REDIC1: variants seen among roughly 807,000 people sequenced by gnomAD.
The protein encoded by REDIC1 is regulator of DNA class I crossover intermediates 1.
the REDIC1 span, among the ~76,000 whole-genome samples, chr12:39,713,260 GTA>G: frequency 3.6e-4 from 24 of 67,386 alleles, 1 homozygote; most frequent in East Asian, 1.0e-3. Flanking sequence ...ACACATACGT[GTA>G]TATATGTGTA....
At chr12:39,770,331 T>C in the REDIC1 span, among the ~76,000 whole-genome samples, 1 of 152,174 alleles carries the variant, frequency 6.6e-6, no homozygotes, top group Admixed American at 6.5e-5. Context: ...GATCCTGCCA[T>C]GGCCTCAAAT....
the REDIC1 span, among the ~76,000 whole-genome samples, chr12:39,695,095 G>C: frequency 1.3e-5 from 2 of 152,172 alleles, no homozygotes; most frequent in African/African-American, 4.8e-5. Context: ...ATAACCATCA[G>C]TGATGCCCAG....
At chr12:39,836,042 G>A in the REDIC1 span, among the ~76,000 whole-genome samples, 1 of 152,094 alleles carries the variant, frequency 6.6e-6, no homozygotes, top group African/African-American at 2.4e-5. Flanking sequence ...AGCAGCAAGG[G>A]CCAGTTTCGT....
the REDIC1 span, among the ~76,000 whole-genome samples, chr12:39,685,678 C>G: frequency 7.2e-5 from 11 of 152,122 alleles, no homozygotes; most frequent in African/African-American, 2.7e-4. Context: ...TTGCAAAATA[C>G]AATCATGCAT....
chr12:39,842,404 A>G, the REDIC1 span, among the ~76,000 whole-genome samples: 3 of 152,048 alleles, frequency 2.0e-5, no homozygotes, highest in Non-Finnish European at 4.4e-5. Context: ...TATTTTTTCT[A>G]CTCAGCCTTT....
the REDIC1 span, among the ~76,000 whole-genome samples, chr12:39,687,729 G>C: frequency 1.3e-5 from 2 of 152,122 alleles, no homozygotes; most frequent in Admixed American, 1.3e-4. Flanking sequence ...GTTTCAATGT[G>C]CTACATAATT....
the REDIC1 span, among the ~76,000 whole-genome samples, chr12:39,844,950 A>C: frequency 2.0e-5 from 3 of 152,052 alleles, no homozygotes; most frequent in Admixed American, 6.6e-5. Context: ...GCAGTTTTTA[A>C]TATGGACTAA....
At chr12:39,653,492 G>GTCGTCTTCTTCTTCTTCT in the REDIC1 span, among the ~76,000 whole-genome samples, 1 of 54,352 alleles carries the variant, frequency 1.8e-5, no homozygotes, top group African/African-American at 5.6e-5. Flanking sequence ...CAATCTGGAT[G>GTCGTCTTCTTCTTCTTCT]TCTTCTTCTT....
the REDIC1 span, among the ~76,000 whole-genome samples, chr12:39,752,703 A>G: frequency 3.9e-5 from 6 of 152,162 alleles, no homozygotes; most frequent in Non-Finnish European, 7.3e-5. Context: ...ATAGGGCAAC[A>G]AGCATACCAG....
chr12:39,772,363 TAGAA>T, the REDIC1 span, among the ~76,000 whole-genome samples: 10 of 152,168 alleles, frequency 6.6e-5, no homozygotes, highest in Admixed American at 2.6e-4. Context: ...GCTTGGCACA[TAGAA>T]AGCAATTTAT....
the REDIC1 span, among the ~76,000 whole-genome samples, chr12:39,817,323 T>A: frequency 6.6e-6 from 1 of 152,158 alleles, no homozygotes; most frequent in Non-Finnish European, 1.5e-5. Flanking sequence ...TTAGACAAGG[T>A]TACACTGCTG....
chr12:39,879,274 A>G, the REDIC1 span, among the ~76,000 whole-genome samples: 1 of 152,224 alleles, frequency 6.6e-6, no homozygotes, highest in African/African-American at 2.4e-5. Flanking sequence ...TTGAGCCCTC[A>G]GACAGAGTCC....
chr12:39,656,068 A>G, the REDIC1 span, among the ~76,000 whole-genome samples: 3 of 151,830 alleles, frequency 2.0e-5, no homozygotes, highest in Non-Finnish European at 2.9e-5. Context: ...CTTGTTATGT[A>G]TTCTTGACTT....
the REDIC1 span, among the ~76,000 whole-genome samples, chr12:39,880,776 G>A: frequency 5.3e-4 from 81 of 152,238 alleles, no homozygotes; most frequent in African/African-American, 1.5e-3. Context: ...TACCTCTGGC[G>A]GCCTCAGGAA....
the REDIC1 span, among the ~76,000 whole-genome samples, chr12:39,882,310 C>T: frequency 6.6e-6 from 1 of 152,256 alleles, no homozygotes; most frequent in East Asian, 1.9e-4. Context: ...TTTGCCTTTC[C>T]AACAAATTTT....
the REDIC1 span, among the ~76,000 whole-genome samples, chr12:39,827,635 G>A: frequency 6.6e-6 from 1 of 152,014 alleles, no homozygotes; most frequent in Non-Finnish European, 1.5e-5. Flanking sequence ...GGCAGGAGGA[G>A]ATTTTCCTGC....
At chr12:39,802,491 G>A in the REDIC1 span, 1 of 152,246 alleles carries the variant, frequency 6.6e-6, no homozygotes, top group Non-Finnish European at 1.5e-5. Flanking sequence ...CTTCATACAA[G>A]GTCTTGTAGG....
chr12:39,893,569 G>A, the REDIC1 span, among the ~76,000 whole-genome samples: 13 of 152,180 alleles, frequency 8.5e-5, no homozygotes, highest in African/African-American at 3.1e-4. Flanking sequence ...CAAAGTGCTG[G>A]AATTACAGGC....
At chr12:39,836,268 G>T in the REDIC1 span, among the ~76,000 whole-genome samples, 1 of 152,164 alleles carries the variant, frequency 6.6e-6, no homozygotes, top group East Asian at 1.9e-4. Flanking sequence ...GTGAGTGCTG[G>T]GGGAACTGAA....
Sources: allele counts gnomAD v4.1 joint callset (sites outside exome capture counted in the v4.1 genomes callset), GRCh38; gene constraint gnomAD v4.1.1; transcripts MANE v1.5; gene names NCBI Gene and HGNC (gene_info 2026-07-23, HGNC 2026-07-21).